The following NPAS3 variants were observed in gnomAD, a reference collection of about 807,000 sequenced individuals.
NPAS3 encodes neuronal PAS domain protein 3.
Under a neutral mutation model 73.1 loss-of-function variants are expected in NPAS3, and 14 were observed. That is an observed-to-expected ratio of 0.19 (90% CI 0.13 to 0.30). The LOEUF is 0.30. Ranked by LOEUF, NPAS3 falls within the 10% of genes least tolerant of loss-of-function variation. The probability of loss-of-function intolerance (pLI) is 1.00; values close to 1 mark genes in which losing one functional copy is unlikely to be tolerated. For missense variants in NPAS3, 1,096 were observed against 1,250.0 expected (o/e 0.88, Z 1.86); for synonymous variants, 620 against 541.5 (o/e 1.14, Z -2.01).
intron 6 of NPAS3, among the ~76,000 whole-genome samples, chr14:33,706,123 G>A (rs1401501672): frequency 6.6e-6 from 1 of 152,198 alleles, no homozygotes; most frequent in African/African-American, 2.4e-5. Context: ...AGAGCCATCA[G>A]TACATAAAAG....
At chr14:33,430,682 C>T (rs903963008) in intron 4 of NPAS3, among the ~76,000 whole-genome samples, 3 of 152,206 alleles carry the variant, frequency 2.0e-5, no homozygotes, top group Non-Finnish European at 4.4e-5. Flanking sequence ...CAGACACTAA[C>T]GTGAGTGCCC....
At chr14:33,369,404 C>CAAAAAAAAAAAAAAAAA (rs3058296) in intron 4 of NPAS3, among the ~76,000 whole-genome samples, 23 of 90,888 alleles carry the variant, frequency 2.5e-4, no homozygotes, top group South Asian at 3.8e-4. Context: ...GCCTCATTTC[C>CAAAAAAAAAAAAAAAAA]AAAAAAAAAA....
intron 5 of NPAS3, among the ~76,000 whole-genome samples, chr14:33,664,083 A>G (rs1008409659): frequency 6.6e-6 from 1 of 151,912 alleles, no homozygotes; most frequent in African/African-American, 2.4e-5. Context: ...CAAAAAGAAC[A>G]AAGCTGGAGA....
chr14:32,954,463 A>T (rs750479963), intron 1 of NPAS3, among the ~76,000 whole-genome samples: 2 of 152,156 alleles, frequency 1.3e-5, no homozygotes, highest in Admixed American at 1.3e-4. Flanking sequence ...CATAGCTAGT[A>T]AAGTTTTGAA....
chr14:33,297,848 G>A (rs976059300), intron 3 of NPAS3, among the ~76,000 whole-genome samples: 2 of 152,172 alleles, frequency 1.3e-5, no homozygotes, highest in African/African-American at 4.8e-5. Context: ...ACATCACAGC[G>A]AGTATCACTT....
At chr14:33,291,379 T>G (rs773921027) in intron 3 of NPAS3, among the ~76,000 whole-genome samples, 30 of 152,266 alleles carry the variant, frequency 2.0e-4, no homozygotes, top group African/African-American at 7.2e-4. Flanking sequence ...GAGGTGAATC[T>G]GTTTTCTCTG....
At chr14:33,659,716 C>G (rs1385966166) in intron 5 of NPAS3, among the ~76,000 whole-genome samples, 1 of 152,008 alleles carries the variant, frequency 6.6e-6, no homozygotes, top group Admixed American at 6.6e-5. Context: ...TTAATAATCT[C>G]TATTTCATCT....
At chr14:33,406,668 A>C (rs977766310) in intron 4 of NPAS3, among the ~76,000 whole-genome samples, 1 of 152,128 alleles carries the variant, frequency 6.6e-6, no homozygotes, top group African/African-American at 2.4e-5. Flanking sequence ...CACATTTTAA[A>C]ATATGAAATC....
At chr14:33,037,958 C>A (rs181611977) in intron 1 of NPAS3, among the ~76,000 whole-genome samples, 1 of 152,186 alleles carries the variant, frequency 6.6e-6, no homozygotes, top group Non-Finnish European at 1.5e-5. Context: ...GGCATCGGGT[C>A]TATAGAAGCA....
At chr14:33,124,228 C>G (rs1296574872) in intron 2 of NPAS3, among the ~76,000 whole-genome samples, 1 of 152,016 alleles carries the variant, frequency 6.6e-6, no homozygotes, top group Non-Finnish European at 1.5e-5. Context: ...ACCATTATCC[C>G]CCCAATAACA....
intron 1 of NPAS3, among the ~76,000 whole-genome samples, chr14:32,983,701 T>G (rs149043342): frequency 1.3e-4 from 20 of 152,186 alleles, no homozygotes; most frequent in African/African-American, 4.8e-4. Context: ...ATAACACATA[T>G]TTAATGAAAT....
At chr14:33,100,224 A>G (rs2042542999) in intron 2 of NPAS3, among the ~76,000 whole-genome samples, 1 of 152,158 alleles carries the variant, frequency 6.6e-6, no homozygotes, top group African/African-American at 2.4e-5. Context: ...AACATTCTGA[A>G]TTGTAGCTAA....
At chr14:33,317,292 C>T (rs2043245526) in intron 3 of NPAS3, among the ~76,000 whole-genome samples, 1 of 152,074 alleles carries the variant, frequency 6.6e-6, no homozygotes, top group Admixed American at 6.6e-5. Flanking sequence ...AGGCACTATA[C>T]TGAGTGCTTT....
chr14:33,044,315 G>C (rs1380193640), intron 1 of NPAS3, among the ~76,000 whole-genome samples: 3 of 152,066 alleles, frequency 2.0e-5, no homozygotes, highest in African/African-American at 7.2e-5. Flanking sequence ...TTAGTTCTCA[G>C]TCTTCATTAC....
chr14:33,209,627 G>A (rs2046957919), intron 2 of NPAS3, among the ~76,000 whole-genome samples: 1 of 152,274 alleles, frequency 6.6e-6, no homozygotes, highest in Admixed American at 6.5e-5. Flanking sequence ...CTTTGAGGCT[G>A]CATGCCAGAT....
At chr14:33,357,796 A>T (rs1223630282) in intron 3 of NPAS3, among the ~76,000 whole-genome samples, 2 of 152,186 alleles carry the variant, frequency 1.3e-5, no homozygotes, top group Non-Finnish European at 2.9e-5. Flanking sequence ...TATGCAGATA[A>T]GCTCCAGGAG....
chr14:33,402,425 G>A (rs1373130830), intron 4 of NPAS3, among the ~76,000 whole-genome samples: 1 of 152,008 alleles, frequency 6.6e-6, no homozygotes, highest in Admixed American at 6.6e-5. Flanking sequence ...CCTTTCAGGA[G>A]GTGCTTCTCT....
At chr14:33,801,650 GTTAAGATT>G (rs2138703542), downstream of NPAS3, 1 of 152,296 alleles carries the variant, frequency 6.6e-6, no homozygotes, top group Non-Finnish European at 1.5e-5. Context: ...TCTTTTTACG[GTTAAGATT>G]TTAAGATTTT....
At chr14:33,759,019 T>C (rs1310098410) in intron 7 of NPAS3, among the ~76,000 whole-genome samples, 1 of 152,250 alleles carries the variant, frequency 6.6e-6, no homozygotes, top group Non-Finnish European at 1.5e-5. Flanking sequence ...TTAAAAATGA[T>C]AAAATTGATT....
Sources: gnomAD v4.1 joint callset for allele counts (sites outside exome capture counted in the v4.1 genomes callset) on GRCh38, gnomAD v4.1.1 for gene constraint, MANE v1.5 for transcripts, NCBI Gene and HGNC (gene_info 2026-07-23, HGNC 2026-07-21) for gene names.